Variants in DLL4 observed in about 807,000 individuals in gnomAD.
The protein encoded by DLL4 is delta-like protein 4.
Under a neutral mutation model 73.6 loss-of-function variants are expected in DLL4, and 7 were observed. The ratio of observed to expected loss-of-function variants is 0.10; its 90% CI spans 0.05 to 0.18. The LOEUF is 0.18. Ranked by LOEUF, DLL4 falls within the 10% of genes least tolerant of loss-of-function variation. The pLI is 1.00. For synonymous variants in DLL4, 345 were observed against 374.3 expected, an observed-to-expected ratio of 0.92 and a Z score of 0.90; for missense variants, 614 against 929.9, an observed-to-expected ratio of 0.66 and a Z score of 4.42.
At position 40,929,513 on chromosome 15, in the gene DLL4, C is replaced by G. The variant is rs1892731276; in HGVS notation, c.-156C>G. 5 of 688,384 alleles carry G rather than the reference C, an allele frequency of 7.3e-6. No homozygotes were observed. In the Admixed American group the frequency reaches 1.6e-4, roughly 22 times the overall value. 42.6% of individuals were successfully genotyped at this position (688,384 alleles called of 1,614,324 possible). A position where few individuals can be genotyped will look rare whatever the true frequency, so the allele number is the denominator to read the frequency against. On this transcript the variant is annotated 5_prime_UTR_variant, in exon 1 of 11. Transcript: ENST00000249749. This position sits in a 1 kb window ranked among gnomAD's most constrained non-coding sequence, Gnocchi z 7.1. The stretch of plus-strand genomic sequence containing the variant: ...TCACCTGGATTACCTACAGCGGCAG[C>G]TGCAGCGGAGCCAGCGAGAAGGCCA...
Position 40,938,335 on chromosome 15 carries a change from C to T in DLL4, c.*301C>T. The T allele has an allele frequency of 3.2e-6, 1 of 308,036 alleles. No individual in the cohort carries two copies. Among genetic ancestry groups the T allele is most frequent in the East Asian group, 5.3e-5 (1 of 18,980 alleles). 19.1% of individuals were successfully genotyped at this position (308,036 alleles called of 1,614,324 possible). A position where few individuals can be genotyped will look rare whatever the true frequency, so the allele number is the denominator to read the frequency against. ...GGCCTTCAGGGGGCTCCTTCCGGGG[C>T]TCCGGCCTGTTTTCCAGAGAGAGTG... On this transcript the variant is annotated 3_prime_UTR_variant, in exon 11 of 11. Transcript: ENST00000249749.
In DLL4 at chr15:40,934,902, A is replaced by G. The variant is rs774671244; in HGVS notation, c.1025A>G (p.Gln342Arg). 3.7e-6 allele frequency: 6 copies of G among 1,613,372 alleles called. No homozygotes were observed. The East Asian group carries it at 8.9e-5, about 24-fold the overall frequency. ...CCCTTTATGGTCTCTCTCCAGGACC[A>G]GGAGGATGGCTACCACTGCCTGTGT... ...PCRNGGSCKD[Q>R]EDGYHCLCPP... is the part of the protein sequence containing the mutation. Residue 342 changes from glutamine (Q) to arginine (R), a missense_variant, in exon 8 of 11, where the codon CAG (glutamine) becomes CGG (arginine). Physicochemically the swap from Gln to Arg is conservative, Grantham distance 43 (BLOSUM62 1). This residue lies in a region of DLL4 where 386 missense variants were observed against 541.3 expected (regional missense o/e 0.71). Coordinates refer to ENST00000249749, the MANE Select transcript of DLL4 (RefSeq NM_019074.4).
At position 40,934,729 on chromosome 15, in the gene DLL4, A is replaced by T. The variant is rs553793771; in HGVS notation, c.1020+12A>T. The T allele has an allele frequency of 6.2e-7, 1 of 1,611,950 alleles. No individual in the cohort carries two copies. The highest frequency in any genetic ancestry group is 2.2e-5 in the East Asian group (1 of 44,834). On this transcript the variant is annotated intron_variant, in intron 7 of 10. Coordinates refer to ENST00000249749, the MANE Select transcript of DLL4 (RefSeq NM_019074.4). The stretch of plus-strand genomic sequence containing the variant: ...GAGGCAGCTGTAAGGTGAGGCCCAG[A>T]CCAGCGCAGGAAGACAGAGGTGTCA...
Position 40,929,583 on chromosome 15 carries a change from C to T in DLL4, c.-86C>T. ...GAGGAGCGCCTCTTTTCAGGGACCC[C>T]GCCGGCTGGCGGACGCGCGGGAAAG... On this transcript the variant is annotated 5_prime_UTR_variant, in exon 1 of 11. Coordinates refer to ENST00000249749, the MANE Select transcript of DLL4 (RefSeq NM_019074.4). The surrounding 1 kb of genome is among the most constrained non-coding windows in gnomAD (Gnocchi z 7.1). 7.6e-7 allele frequency: 1 copy of T among 1,315,044 alleles called. No individual in the cohort carries two copies. The highest frequency in any genetic ancestry group is 1.0e-6 in the Non-Finnish European group (1 of 989,840). The allele number at this position is 1,315,044 out of a possible 1,614,324, so 81.5% of individuals were successfully genotyped here. A position where few individuals can be genotyped will look rare whatever the true frequency, so the allele number is the denominator to read the frequency against.
chr15:40,930,737 G>T lies in DLL4; in HGVS notation c.394+55G>T. ...GGCGACACGGCGCAGCGCCGAAAGA[G>T]TTAATCTGTTCTAGGCGGGGGAAGT... On this transcript the variant is annotated intron_variant, in intron 3 of 10. Transcript: ENST00000249749. The surrounding 1 kb of genome is among the most constrained non-coding windows in gnomAD (Gnocchi z 5.7). The T allele has an allele frequency of 6.5e-7, 1 of 1,548,220 alleles. No homozygotes were observed. Among genetic ancestry groups the T allele is most frequent in the Non-Finnish European group, 8.9e-7 (1 of 1,123,758 alleles).
Position 40,938,033 on chromosome 15 carries a change from A to G in DLL4, c.2057A>G (p.Ter686=). 2 of 1,591,440 alleles carry G rather than the reference A, an allele frequency of 1.3e-6. No homozygotes were observed. Among genetic ancestry groups the G allele is most frequent in the Non-Finnish European group, 1.7e-6 (2 of 1,169,640 alleles). The change falls in exon 11 of 11, where the codon TAA becomes TGA. Residue 686 remains the stop codon, a stop_retained_variant. Coordinates refer to ENST00000249749, the MANE Select transcript of DLL4 (RefSeq NM_019074.4). ...CTGCCTTCCGCTTGCTCCCAGGTAT[A>G]AGGCAGGAGCCTACCTGGACATCCC... ...RNECVIATEV[*] is the part of the protein sequence containing the mutation.
At position 40,932,336 on chromosome 15, in the gene DLL4, G is replaced by A; in HGVS notation, c.739G>A (p.Gly247Ser). Residue 247 changes from glycine (G) to serine (S), a missense_variant, in exon 6 of 11, where the codon GGC becomes AGC. Gly to Ser is a moderately conservative substitution (Grantham distance 56). Around this residue, in one of 3 missense-constraint regions of DLL4, gnomAD observed 227 missense variants for 370.8 expected, o/e 0.61. Transcript: ENST00000249749. The part of the protein sequence containing the change: ...AECLCRPGWQ[G>S]RLCNECIPHN... Reference sequence around the variant, plus strand: ...CCCCAGCTGCCGCCCAGGCTGGCAGGGCCGGCTGTGTAACGAATGCATCCC... The same window carrying A: ...CCCCAGCTGCCGCCCAGGCTGGCAGAGCCGGCTGTGTAACGAATGCATCCC... The A allele has an allele frequency of 6.2e-7, 1 of 1,613,986 alleles. No individual in the cohort carries two copies. Among genetic ancestry groups the A allele is most frequent in the Non-Finnish European group, 8.5e-7 (1 of 1,179,892 alleles).
intron 10 of DLL4, 50 bp from the exon 11 acceptor site, chr15:40,937,970 CCTGGAGGGA>C (rs1053869418): frequency 1.5e-5 from 24 of 1,591,184 alleles, no homozygotes; most frequent in Non-Finnish European, 2.0e-5. Flanking sequence ...CCAGGGAGGG[CCTGGAGGGA>C]GTGCGCATGC....
At chr15:40,931,067 T>C (rs947363284) in intron 3 of DLL4, 4 of 369,706 alleles carry the variant, frequency 1.1e-5, no homozygotes, top group Non-Finnish European at 2.0e-5. Context: ...AATTCTCACT[T>C]TGAAAAGGAA....
intron 10 of DLL4, 86 bp from the exon 11 acceptor site, chr15:40,937,943 C>T: frequency 6.5e-7 from 1 of 1,545,126 alleles, no homozygotes; most frequent in East Asian, 2.4e-5. Context: ...TGCCCCATCG[C>T]CTTCTCCCAG....
intron 6 of DLL4, 150 bp downstream of exon 6, chr15:40,932,597 C>A: frequency 8.8e-7 from 1 of 1,132,036 alleles, no homozygotes. Context: ...TTTTAAGGAT[C>A]TTTACAACTG....
chr15:40,932,450 G>C lies in DLL4; in HGVS notation c.850+3G>C, dbSNP rs1335860933. On this transcript the variant is annotated splice_donor_region_variant and intron_variant, in intron 6 of 10. Coordinates refer to ENST00000249749, the MANE Select transcript of DLL4 (RefSeq NM_019074.4). ...GGGAGGCCTGTTTTGTGACCAAGGT[G>C]AGTCAGGGTGAAGAGAGGGTGCAGA... 6.2e-7 allele frequency: 1 copy of C among 1,613,884 alleles called. No individual in the cohort carries two copies.
intron 4 of DLL4, 118 bp from the exon 5 acceptor site, chr15:40,932,053 G>A: frequency 1.6e-6 from 2 of 1,226,034 alleles, no homozygotes; most frequent in South Asian, 1.4e-5. Context: ...TCCTCTGGGA[G>A]GCCAGGAGTA....
chr15:40,936,960 G>A lies in DLL4; in HGVS notation c.1943+30G>A, dbSNP rs371119627. 1.6e-5 allele frequency: 25 copies of A among 1,525,732 alleles called. No individual in the cohort carries two copies. The African/African-American group carries it at 2.9e-4, about 18-fold the overall frequency. 94.5% of individuals were successfully genotyped at this position (1,525,732 alleles called of 1,614,324 possible). The stretch of plus-strand genomic sequence containing the variant: ...GTGGCACCCAGAAGCCCAGGGCCTG[G>A]CCACCGGCCCCGACATGGTTCTGCC... On this transcript the variant is annotated intron_variant, in intron 9 of 10. Transcript: ENST00000249749.
Position 40,930,244 on chromosome 15 carries a change from T to A in DLL4, c.336+128T>A. ...CCCCAAAAAGCCCAGGATGCATTCTTTCCTGGCTCTTCCCGACTCTCTCCT... is the reference window on the plus strand; with the variant it reads ...CCCCAAAAAGCCCAGGATGCATTCTATCCTGGCTCTTCCCGACTCTCTCCT... On this transcript the variant is annotated intron_variant, in intron 2 of 10. Transcript: ENST00000249749. This position sits in a 1 kb window ranked among gnomAD's most constrained non-coding sequence, Gnocchi z 5.7. 8.8e-7 allele frequency: 1 copy of A among 1,135,158 alleles called. No individual in the cohort carries two copies. The highest frequency in any genetic ancestry group is 1.5e-5 in the South Asian group (1 of 66,040). The allele number at this position is 1,135,158 out of a possible 1,614,324, so 70.3% of individuals were successfully genotyped here.
At chr15:40,934,855 C>T (rs999224453) in intron 7 of DLL4, 43 bp from the exon 8 acceptor site, 10 of 1,596,306 alleles carry the variant, frequency 6.3e-6, no homozygotes, top group East Asian at 4.5e-5. Context: ...CACATCCCTG[C>T]CCCCCAGGGT....
chr15:40,936,725 A>G lies in DLL4; in HGVS notation c.1738A>G (p.Ile580Val), dbSNP rs1267663001. ...GTCGGACTTCCAGAAGGACAACCTG[A>G]TTCCTGCCGCCCAGCTTAAAAACAC... ...NLSDFQKDNL[I>V]PAAQLKNTNQ... Residue 580 changes from isoleucine to valine, a missense_variant, in exon 9 of 11, where the codon ATT becomes GTT. Transcript: ENST00000249749. 3 of 1,613,794 alleles carry G rather than the reference A, an allele frequency of 1.9e-6. No homozygotes were observed. The highest frequency in any genetic ancestry group is 2.5e-6 in the Non-Finnish European group (3 of 1,179,872).
chr15:40,937,662 C>A, intron 10 of DLL4, 136 bp downstream of exon 10: 1 of 723,600 alleles, frequency 1.4e-6, no homozygotes, highest in South Asian at 1.6e-5. Flanking sequence ...ACTCTTGGGT[C>A]CCTGCTGGCC....
intron 8 of DLL4, among the ~76,000 whole-genome samples, chr15:40,935,793 T>G (rs529282636): frequency 6.6e-6 from 1 of 152,354 alleles, no homozygotes; most frequent in Non-Finnish European, 1.5e-5. Flanking sequence ...GTCATGATTG[T>G]ACTTATCCGA....
Sources: gnomAD v4.1 joint callset for allele counts (sites outside exome capture counted in the v4.1 genomes callset) on GRCh38, gnomAD v4.1.1 for gene constraint, gnomAD v4.1.1 regional missense constraint, Gnocchi (gnomAD v3.1) non-coding constraint, MANE v1.5 for transcripts, NCBI Gene and HGNC (gene_info 2026-07-23, HGNC 2026-07-21) for gene names.